The following ZNF34 variants were observed in gnomAD, a reference collection of about 807,000 sequenced individuals.
The protein encoded by ZNF34 is zinc finger protein 34, also known as zinc finger protein 34 (KOX 32).
In ZNF34, 8 loss-of-function variants were observed where a neutral mutation model predicts 14.4. The observed-to-expected ratio is 0.55, with a 90% confidence interval of 0.33 to 1.00. ZNF34 has a LOEUF of 1.00. Ranked by LOEUF, ZNF34 falls within the 50% of genes least tolerant of loss-of-function variation. The pLI, the probability that ZNF34 is intolerant of heterozygous loss-of-function variation, is 0.03. For synonymous variants in ZNF34, 235 were observed against 247.9 expected (o/e 0.95, Z 0.49); for missense variants, 538 against 674.2 (o/e 0.80, Z 2.24).
At chr8:144,785,391 T>C (rs7833325) in intron 1 of ZNF34, 43,720 of 152,082 alleles carry the variant, frequency 0.29, 7,378 homozygotes, top group South Asian at 0.47. Context: ...GCTGTGCCAA[T>C]TGGGTGTCCC....
chr8:144,772,957 G>A lies in ZNF34; in HGVS notation c.*309C>T, dbSNP rs1454118689. ...AAGATCCTAGGTGCTGCAATGACAA[G>A]CATTACGGTATTTTCTTTTTAAAAT... On this transcript the variant is annotated 3_prime_UTR_variant, in exon 6 of 6. Transcript: ENST00000429371. Among the ~76,000 whole-genome samples, 3 of 152,176 alleles carry A rather than the reference G, an allele frequency of 2.0e-5. No homozygotes were observed.
At position 144,774,523 on chromosome 8, in the gene ZNF34, T is replaced by C; in HGVS notation, c.363A>G (p.Val121=). Residue 121 remains valine (V), a synonymous_variant, in exon 6 of 6, where the codon GTA becomes GTG. Transcript: ENST00000429371. ...GEEDPQGSEP[V]EACDHISKSE... is the part of the protein sequence containing the mutation. ...ACTTACTGATGTGGTCACAGGCTTC[T>C]ACTGGCTCAGATCCCTGGGGATCTT... is the stretch of plus-strand genomic sequence containing the variant. 1 of 1,614,020 alleles carries C rather than the reference T, an allele frequency of 6.2e-7. No homozygotes were observed. The highest frequency in any genetic ancestry group is 8.5e-7 in the Non-Finnish European group (1 of 1,179,906).
At chr8:144,782,415 G>A (rs1414823595) in intron 1 of ZNF34, among the ~76,000 whole-genome samples, 2 of 150,844 alleles carry the variant, frequency 1.3e-5, no homozygotes, top group Admixed American at 6.6e-5. Context: ...ACTTGAATTC[G>A]GGAGGTGGAG....
chr8:144,786,450 A>G (rs934095916), intron 1 of ZNF34, among the ~76,000 whole-genome samples: 5 of 151,718 alleles, frequency 3.3e-5, no homozygotes, highest in African/African-American at 9.6e-5. Context: ...CCTGGCCAAC[A>G]TGGTTAAACC....
At chr8:144,778,215 T>C in intron 3 of ZNF34, 51 bp from the exon 4 acceptor site, 19 of 1,579,614 alleles carry the variant, frequency 1.2e-5, no homozygotes, top group Non-Finnish European at 1.6e-5. Context: ...AGTGGGCTGG[T>C]AGGGGCGGGG....
intron 5 of ZNF34, 124 bp from the exon 6 acceptor site, chr8:144,774,729 A>G: frequency 8.2e-7 from 1 of 1,212,550 alleles, no homozygotes; most frequent in Non-Finnish European, 1.1e-6. Context: ...AGCCTTGCAA[A>G]GATAAGAGCC....
rs368461817 is a variant in ZNF34 at position 144,774,272 on chromosome 8, C to T, written c.614G>A (p.Arg205His). The change falls in exon 6 of 6, where the codon CGT (arginine) becomes CAT (histidine). Residue 205 changes from arginine to histidine, a missense_variant. Physicochemically the swap from Arg to His is conservative, Grantham distance 29 (BLOSUM62 0). This residue lies in a region of ZNF34 where 431 missense variants were observed against 525.7 expected (regional missense o/e 0.82). Transcript: ENST00000429371. ...VHRSKKTNTV[R>H]NSGEIFSANL... ...TGCACTGAAGATTTCCCCAGAGTTA[C>T]GAACTGTATTTGTTTTTTTTGACCT... 6.8e-6 allele frequency: 11 copies of T among 1,613,696 alleles called. No homozygotes were observed. Among genetic ancestry groups the T allele is most frequent in the African/African-American group, 1.3e-5 (1 of 74,930 alleles).
chr8:144,772,963 C>T lies in ZNF34; in HGVS notation c.*303G>A, dbSNP rs758800958. ...CTAGGTGCTGCAATGACAAGCATTA[C>T]GGTATTTTCTTTTTAAAATGCTCTC... On this transcript the variant is annotated 3_prime_UTR_variant, in exon 6 of 6. Transcript: ENST00000429371. Among the ~76,000 whole-genome samples the T allele has an allele frequency of 6.6e-6, 1 of 152,134 alleles. No homozygotes were observed. The highest frequency in any genetic ancestry group is 1.5e-5 in the Non-Finnish European group (1 of 68,020).
chr8:144,772,999 C>A lies in ZNF34; in HGVS notation c.*267G>T. The A allele has an allele frequency of 2.7e-6, 1 of 375,916 alleles. No homozygotes were observed. The highest frequency in any genetic ancestry group is 2.0e-5 in the African/African-American group (1 of 48,782). 23.3% of individuals were successfully genotyped at this position (375,916 alleles called of 1,614,324 possible). Reference sequence around the variant, plus strand: ...TTTTAAAATGCTCTCCAGTATGTCTCGAAAATATTCGTAAATCAGCAGCAA... The same window carrying A: ...TTTTAAAATGCTCTCCAGTATGTCTAGAAAATATTCGTAAATCAGCAGCAA... On this transcript the variant is annotated 3_prime_UTR_variant, in exon 6 of 6. Coordinates refer to ENST00000429371, the MANE Select transcript of ZNF34 (RefSeq NM_001286769.2).
At position 144,773,335 on chromosome 8, in the gene ZNF34, C is replaced by T. The variant is rs1825277881; in HGVS notation, c.1551G>A (p.Lys517=). 2 of 1,614,060 alleles carry T rather than the reference C, an allele frequency of 1.2e-6. No homozygotes were observed. Among genetic ancestry groups the T allele is most frequent in the Non-Finnish European group, 8.5e-7 (1 of 1,180,006 alleles). Residue 517 remains lysine (K), a synonymous_variant, in exon 6 of 6, where the codon AAG becomes AAA. Transcript: ENST00000429371. This position sits in a 1 kb window ranked among gnomAD's most constrained non-coding sequence, Gnocchi z 5.4. ...EKPYKCSECG[K]AFRHSSNMCQ... ...ACATGTTGGAACTGTGCCGGAAGGCCTTCCCACACTCGCTGCACTTGTAGG... is the reference window on the plus strand; with the variant it reads ...ACATGTTGGAACTGTGCCGGAAGGCTTTCCCACACTCGCTGCACTTGTAGG...
In ZNF34 at chr8:144,779,015, G is replaced by C. The variant is rs185889701; in HGVS notation, c.-54-490C>G. On this transcript the variant is annotated intron_variant, in intron 2 of 5. Coordinates refer to ENST00000429371, the MANE Select transcript of ZNF34 (RefSeq NM_001286769.2). The surrounding 1 kb of genome is among the most constrained non-coding windows in gnomAD (Gnocchi z 4.1). ...TGGAACACCAAGCTCTGTGCCAAAGGGGGGAAGGCTGCCCTGCCGCTCCAT... is the reference window on the plus strand; with the variant it reads ...TGGAACACCAAGCTCTGTGCCAAAGCGGGGAAGGCTGCCCTGCCGCTCCAT... Among the ~76,000 whole-genome samples, 250 of 152,194 alleles carry C rather than the reference G, an allele frequency of 1.6e-3. 2 individuals are homozygous for C. The highest frequency in any genetic ancestry group is 5.8e-3 in the African/African-American group (240 of 41,532).
intron 1 of ZNF34, among the ~76,000 whole-genome samples, chr8:144,783,762 C>T (rs932289045): frequency 6.6e-6 from 1 of 152,188 alleles, no homozygotes; most frequent in African/African-American, 2.4e-5. Context: ...TATCAATTAT[C>T]CCCAAGTTAA....
At chr8:144,783,858 G>C (rs981166707) in intron 1 of ZNF34, among the ~76,000 whole-genome samples, 1 of 152,162 alleles carries the variant, frequency 6.6e-6, no homozygotes, top group Admixed American at 6.5e-5. Flanking sequence ...AAATAGTAAC[G>C]ATCTAAGATT....
intron 1 of ZNF34, among the ~76,000 whole-genome samples, chr8:144,784,825 C>T (rs1471950705): frequency 6.7e-6 from 1 of 150,282 alleles, no homozygotes; most frequent in African/African-American, 2.4e-5. Context: ...TGTTTGATTC[C>T]ATCAAAAAGA....
At position 144,772,609 on chromosome 8, in the gene ZNF34, G is replaced by A. The variant is rs1825239630; in HGVS notation, c.*657C>T. ...GGCTGGAGTACAGTGGCACAGTCTTGGCTCACTGCAACCTCCGCCTCCCAG... is the reference window on the plus strand; with the variant it reads ...GGCTGGAGTACAGTGGCACAGTCTTAGCTCACTGCAACCTCCGCCTCCCAG... On this transcript the variant is annotated 3_prime_UTR_variant, in exon 6 of 6. Transcript: ENST00000429371. Among the ~76,000 whole-genome samples the A allele has an allele frequency of 2.0e-5, 3 of 152,196 alleles. No individual in the cohort carries two copies. In the South Asian group the frequency reaches 6.2e-4, roughly 32 times the overall value.
At chr8:144,783,913 C>A (rs1292529324) in intron 1 of ZNF34, among the ~76,000 whole-genome samples, 1 of 152,184 alleles carries the variant, frequency 6.6e-6, no homozygotes, top group Non-Finnish European at 1.5e-5. Flanking sequence ...GCCTATAATC[C>A]CAGCACTTTG....
chr8:144,773,960 G>A lies in ZNF34; in HGVS notation c.926C>T (p.Thr309Ile), dbSNP rs1327413106. ...CCCACACTTGTAGGGTTTCTCCCCA[G>A]TGTGAATCCTCTGGTGCTTCATGAG... ...PNLMKHQRIH[T>I]GEKPYKCGEC... is the part of the protein sequence containing the mutation. The change falls in exon 6 of 6, where the codon ACT becomes ATT. Residue 309 changes from threonine to isoleucine, a missense_variant. Coordinates refer to ENST00000429371, the MANE Select transcript of ZNF34 (RefSeq NM_001286769.2). The surrounding 1 kb of genome is among the most constrained non-coding windows in gnomAD (Gnocchi z 5.4). 2 of 1,613,966 alleles carry A rather than the reference G, an allele frequency of 1.2e-6. No homozygotes were observed. Among genetic ancestry groups the A allele is most frequent in the East Asian group, 2.2e-5 (1 of 44,882 alleles).
intron 1 of ZNF34, among the ~76,000 whole-genome samples, chr8:144,786,025 C>T (rs1267385282): frequency 6.8e-6 from 1 of 147,180 alleles, no homozygotes; most frequent in Admixed American, 6.8e-5. Flanking sequence ...TGCTCCATCA[C>T]CCAGGCTGGA....
Position 144,774,612 on chromosome 8 carries a change from C to A in ZNF34, c.281-7G>T, listed in dbSNP as rs1417332706. 1.2e-5 allele frequency: 19 copies of A among 1,598,466 alleles called. No individual in the cohort carries two copies. Among genetic ancestry groups the A allele is most frequent in the Admixed American group, 1.1e-4 (6 of 56,470 alleles). ...TCAGTTCTGGTCCCAAGAGCTGAAA[C>A]AAAAAACAGAACATCTAAGGGTCAC... On this transcript the variant is annotated splice_region_variant and splice_polypyrimidine_tract_variant and intron_variant, in intron 5 of 5. Transcript: ENST00000429371.
Sources: allele counts gnomAD v4.1 joint callset (sites outside exome capture counted in the v4.1 genomes callset), GRCh38; gene constraint gnomAD v4.1.1; regional missense constraint gnomAD v4.1.1; non-coding constraint Gnocchi (gnomAD v3.1); transcripts MANE v1.5; gene names NCBI Gene and HGNC (gene_info 2026-07-23, HGNC 2026-07-21).